SCFD1: variants seen among roughly 807,000 people sequenced by gnomAD.
The protein encoded by SCFD1 is sec1 family domain containing 1, also known as sec1 family domain-containing protein 1.
A neutral mutation model predicts 103.2 loss-of-function variants in SCFD1; 37 were observed. The observed-to-expected ratio is 0.36, with a 90% confidence interval of 0.28 to 0.47. The LOEUF is 0.47. Ranked by LOEUF, SCFD1 falls within the 20% of genes least tolerant of loss-of-function variation. The pLI is 1.00. For synonymous variants in SCFD1, 264 were observed against 245.0 expected (o/e 1.08, Z -0.73); for missense variants, 639 against 761.2 (o/e 0.84, Z 1.89).
At chr14:30,734,098 T>G (rs1893669288) in intron 23 of SCFD1, among the ~76,000 whole-genome samples, 1 of 152,210 alleles carries the variant, frequency 6.6e-6, no homozygotes, top group Non-Finnish European at 1.5e-5. Flanking sequence ...AGCTTATACA[T>G]CACAGAGTTG....
At chr14:30,627,745 GAAAA>G (rs11312585) in intron 1 of SCFD1, among the ~76,000 whole-genome samples, 6 of 79,474 alleles carry the variant, frequency 7.5e-5, no homozygotes, top group Non-Finnish European at 1.5e-4. Flanking sequence ...CTCTGTCTCA[GAAAA>G]AAAAAAAAAA....
At chr14:30,681,239 C>T (rs1889453185) in intron 14 of SCFD1, among the ~76,000 whole-genome samples, 1 of 148,890 alleles carries the variant, frequency 6.7e-6, no homozygotes, top group South Asian at 2.1e-4. Context: ...AAAAAAAGCG[C>T]TCAACATACT....
intron 4 of SCFD1, chr14:30,634,687 T>C (rs578008552): frequency 2.5e-6 from 1 of 394,922 alleles, no homozygotes; most frequent in South Asian, 1.9e-5. Context: ...AAGTCCACAC[T>C]GGTGCAGAAG....
intron 23 of SCFD1, among the ~76,000 whole-genome samples, chr14:30,731,243 G>C (rs1385048236): frequency 6.6e-6 from 1 of 152,144 alleles, no homozygotes; most frequent in Non-Finnish European, 1.5e-5. Flanking sequence ...ATGCTGTTTT[G>C]GTTACTGTAG....
At chr14:30,721,958 G>A in intron 22 of SCFD1, 41 bp downstream of exon 22, 1 of 1,443,556 alleles carries the variant, frequency 6.9e-7, no homozygotes, top group South Asian at 1.2e-5. Context: ...AGAAAGGGAA[G>A]ATGAAAGGTG....
chr14:30,718,564 A>C (rs745869837), intron 20 of SCFD1, among the ~76,000 whole-genome samples: 8 of 152,270 alleles, frequency 5.3e-5, no homozygotes, highest in Non-Finnish European at 8.8e-5. Context: ...GGCAATGAAG[A>C]GATTAGCAAA....
At chr14:30,625,666 G>C (rs576386480) in intron 1 of SCFD1, among the ~76,000 whole-genome samples, 5 of 152,070 alleles carry the variant, frequency 3.3e-5, no homozygotes, top group African/African-American at 1.2e-4. Context: ...TATAGGTATA[G>C]GTATATAGGC....
At chr14:30,676,353 A>G (rs958763581) in intron 14 of SCFD1, 1 of 152,256 alleles carries the variant, frequency 6.6e-6, no homozygotes, top group African/African-American at 2.4e-5. Flanking sequence ...CTTATATTGT[A>G]GTGACAGTAA....
At chr14:30,732,378 G>A (rs781192297) in intron 23 of SCFD1, among the ~76,000 whole-genome samples, 5 of 152,178 alleles carry the variant, frequency 3.3e-5, no homozygotes, top group Non-Finnish European at 7.4e-5. Flanking sequence ...TACGGGCAAA[G>A]CATCTAGTCT....
intron 19 of SCFD1, among the ~76,000 whole-genome samples, chr14:30,708,332 T>C (rs1200054975): frequency 6.6e-6 from 1 of 152,124 alleles, no homozygotes; most frequent in Admixed American, 6.5e-5. Flanking sequence ...ACTTCCCTAT[T>C]GCTCTCCCGG....
chr14:30,693,641 C>G (rs1160076860), intron 14 of SCFD1, among the ~76,000 whole-genome samples: 1 of 152,166 alleles, frequency 6.6e-6, no homozygotes, highest in East Asian at 1.9e-4. Context: ...TCACTTCCTC[C>G]TCAATTGGCT....
chr14:30,629,856 G>A (rs148865581), intron 2 of SCFD1, among the ~76,000 whole-genome samples: 2 of 152,168 alleles, frequency 1.3e-5, no homozygotes, highest in East Asian at 1.9e-4. Flanking sequence ...GATTACAGGC[G>A]TGAGCCACTG....
Position 30,628,211 on chromosome 14 carries a change from G to T in SCFD1, c.64G>T (p.Ala22Ser). 1 of 1,607,514 alleles carries T rather than the reference G, an allele frequency of 6.2e-7. No homozygotes were observed. Among genetic ancestry groups the T allele is most frequent in the Non-Finnish European group, 8.5e-7 (1 of 1,175,418 alleles). Residue 22 changes from alanine to serine, a missense_variant and splice_region_variant, in exon 2 of 25, where the codon GCT becomes TCT. Ala to Ser is a moderately conservative substitution (Grantham distance 99, BLOSUM62 1). Transcript: ENST00000458591. Reference sequence around the variant, plus strand: ...TTGATAAAACTTTTTATTTTCAGTGGCTTTGAAGCGTATGTTGAATTTCAA... The same window carrying T: ...TTGATAAAACTTTTTATTTTCAGTGTCTTTGAAGCGTATGTTGAATTTCAA... Reference protein sequence around the residue: ...AASIRERQTVALKRMLNFNVP... With the variant: ...AASIRERQTVSLKRMLNFNVP...
At chr14:30,651,615 T>C (rs548825522) in intron 9 of SCFD1, among the ~76,000 whole-genome samples, 1 of 152,106 alleles carries the variant, frequency 6.6e-6, no homozygotes, top group South Asian at 2.1e-4. Context: ...TCTTACTTAA[T>C]AGTTCCCTTT....
intron 6 of SCFD1, 50 bp downstream of exon 6, chr14:30,639,914 A>G (rs759013171): frequency 1.8e-5 from 27 of 1,519,946 alleles, no homozygotes; most frequent in Non-Finnish European, 2.4e-5. Flanking sequence ...AATGAATGGT[A>G]TACTGTAAGA....
chr14:30,718,824 G>C (rs535606855), intron 20 of SCFD1, among the ~76,000 whole-genome samples: 2 of 152,258 alleles, frequency 1.3e-5, no homozygotes, highest in Non-Finnish European at 2.9e-5. Flanking sequence ...CTATGTTTGG[G>C]TTTACTGAGA....
chr14:30,628,111 T>TG (rs1459937448), intron 1 of SCFD1, 98 bp from the exon 2 acceptor site: 2 of 747,318 alleles, frequency 2.7e-6, no homozygotes, highest in East Asian at 2.7e-5. Context: ...TTACTAGAGT[T>TG]GATTAGTTTA....
chr14:30,622,431 C>T (rs2138952989), intron 1 of SCFD1, 32 bp downstream of exon 1: 1 of 1,549,836 alleles, frequency 6.5e-7, no homozygotes, highest in South Asian at 1.2e-5. Context: ...CTTGAAGCTT[C>T]GTGACTGCCC....
chr14:30,705,212 A>G (rs904629045), intron 17 of SCFD1, among the ~76,000 whole-genome samples: 1 of 152,214 alleles, frequency 6.6e-6, no homozygotes, highest in African/African-American at 2.4e-5. Flanking sequence ...TAACAAAGAA[A>G]GTGGTTTTGA....
Sources: gnomAD v4.1 joint callset for allele counts (sites outside exome capture counted in the v4.1 genomes callset) on GRCh38, gnomAD v4.1.1 for gene constraint, MANE v1.5 for transcripts, NCBI Gene and HGNC (gene_info 2026-07-23, HGNC 2026-07-21) for gene names.